Variants in CACNG4 observed in about 807,000 individuals in gnomAD.
CACNG4 encodes the protein calcium voltage-gated channel auxiliary subunit gamma 4.
In CACNG4, 8 loss-of-function variants were observed where a neutral mutation model predicts 22.9. The ratio of observed to expected loss-of-function variants is 0.35; its 90% CI spans 0.21 to 0.63. The LOEUF (loss-of-function observed/expected upper bound fraction) is 0.63. Among genes scored for constraint, CACNG4 ranks in the 30% least tolerant of loss-of-function variants. The pLI is 0.72. For synonymous variants in CACNG4, 188 were observed against 191.9 expected (o/e 0.98, Z 0.17); for missense variants, 357 against 455.4 (o/e 0.78, Z 1.97).
At position 67,030,155 on chromosome 17, in the gene CACNG4, G is replaced by A; in HGVS notation, c.446-311G>A. ...ACTGTGCAAAGGAAATAATAGGGGT[G>A]TGTGTGTGTGTGTGTGTGAAGAGAG... On this transcript the variant is annotated intron_variant, in intron 3 of 3. Coordinates refer to ENST00000262138, the MANE Select transcript of CACNG4 (RefSeq NM_014405.4). This position sits in a 1 kb window ranked among gnomAD's most constrained non-coding sequence, Gnocchi z 6.4. Among the ~76,000 whole-genome samples, 1 of 109,202 alleles carries A rather than the reference G, an allele frequency of 9.2e-6. No individual in the cohort carries two copies. The highest frequency in any genetic ancestry group is 5.9e-5 in the African/African-American group (1 of 17,070). 71.6% of individuals were successfully genotyped at this position (109,202 alleles called of 152,430 possible). A position where few individuals can be genotyped will look rare whatever the true frequency, so the allele number is the denominator to read the frequency against.
At chr17:67,003,453 T>C (rs2035420160) in intron 1 of CACNG4, among the ~76,000 whole-genome samples, 1 of 152,084 alleles carries the variant, frequency 6.6e-6, no homozygotes, top group African/African-American at 2.4e-5. Flanking sequence ...CAGACTGTGA[T>C]CAGGGGAGAA....
rs781720730 is a variant in CACNG4 at position 67,030,548 on chromosome 17, G to C, written c.528G>C (p.Lys176Asn). 1.9e-6 allele frequency: 3 copies of C among 1,614,204 alleles called. No homozygotes were observed. The part of the protein sequence containing the change: ...DPSDKRDEDK[K>N]NHYNYGWSFY... Reference sequence around the variant, plus strand: ...GTGACAAGCGGGACGAAGACAAAAAGAACCATTACAACTACGGCTGGTCTT... The same window carrying C: ...GTGACAAGCGGGACGAAGACAAAAACAACCATTACAACTACGGCTGGTCTT... The change falls in exon 4 of 4, where the codon AAG (lysine) becomes AAC (asparagine). Residue 176 changes from lysine to asparagine, a missense_variant. By Grantham distance (94) the Lys-to-Asn change is moderately conservative. Around this residue, in one of 3 missense-constraint regions of CACNG4, gnomAD observed 240 missense variants for 277.6 expected, o/e 0.86. Coordinates refer to ENST00000262138, the MANE Select transcript of CACNG4 (RefSeq NM_014405.4). The surrounding 1 kb of genome is among the most constrained non-coding windows in gnomAD (Gnocchi z 6.4).
intron 3 of CACNG4, among the ~76,000 whole-genome samples, chr17:67,026,461 G>T (rs2035567188): frequency 7.3e-6 from 1 of 137,180 alleles, no homozygotes; most frequent in Admixed American, 6.9e-5. Flanking sequence ...GTATGTGTGT[G>T]TATTTGAGGA....
intron 1 of CACNG4, among the ~76,000 whole-genome samples, chr17:67,014,122 C>T (rs1332686941): frequency 6.6e-6 from 1 of 152,160 alleles, no homozygotes; most frequent in Non-Finnish European, 1.5e-5. Flanking sequence ...CCCAGCGACC[C>T]CTGTCTCCAC....
chr17:66,974,112 C>T (rs781616358), intron 1 of CACNG4, among the ~76,000 whole-genome samples: 2 of 152,214 alleles, frequency 1.3e-5, no homozygotes, highest in East Asian at 1.9e-4. Context: ...GGGACTGGGG[C>T]GGATAGAAAA....
chr17:67,030,672 A>G lies in CACNG4; in HGVS notation c.652A>G (p.Lys218Glu), dbSNP rs970783926. ...EKNKELRFKTKREFLKASSSS... is the reference protein window; with the variant it reads ...EKNKELRFKTEREFLKASSSS... Reference sequence around the variant, plus strand: ...AAATAAAGAGTTGAGGTTTAAGACCAAACGGGAATTCCTTAAGGCGTCTTC... The same window carrying G: ...AAATAAAGAGTTGAGGTTTAAGACCGAACGGGAATTCCTTAAGGCGTCTTC... The change falls in exon 4 of 4, where the codon AAA (lysine) becomes GAA (glutamate). Residue 218 changes from lysine to glutamate, a missense_variant. Transcript: ENST00000262138. The surrounding 1 kb of genome is among the most constrained non-coding windows in gnomAD (Gnocchi z 6.4). 5.0e-6 allele frequency: 8 copies of G among 1,614,126 alleles called. No individual in the cohort carries two copies. The African/African-American group carries it at 6.7e-5, about 13-fold the overall frequency.
intron 1 of CACNG4, among the ~76,000 whole-genome samples, chr17:67,007,617 G>A (rs111226457): frequency 0.013 from 2,044 of 152,168 alleles, 28 homozygotes; most frequent in Non-Finnish European, 0.021. Flanking sequence ...TGTGCTGTCG[G>A]AAACTCAGGA....
intron 1 of CACNG4, among the ~76,000 whole-genome samples, chr17:66,996,769 G>A (rs1447243479): frequency 6.6e-6 from 1 of 152,166 alleles, no homozygotes; most frequent in Non-Finnish European, 1.5e-5. Flanking sequence ...CCAGACCCCT[G>A]GCTCACGGGG....
At chr17:67,016,076 G>A (rs985399039) in intron 1 of CACNG4, among the ~76,000 whole-genome samples, 7 of 152,038 alleles carry the variant, frequency 4.6e-5, no homozygotes, top group African/African-American at 7.2e-5. Flanking sequence ...ATGAAGGAGC[G>A]AGGGTGGGTC....
Position 66,980,285 on chromosome 17 carries a change from C to G in CACNG4, c.220+15154C>G, listed in dbSNP as rs142515469. Among the ~76,000 whole-genome samples the G allele has an allele frequency of 1.2e-3, 182 of 152,230 alleles. 2 individuals carry two copies. The East Asian group carries it at 0.02, about 17-fold the overall frequency. ...CCTACAATAAAAGTGCTAAAACTGA[C>G]CATGAAAGTAAGTGAGAAGGAAATA... On this transcript the variant is annotated intron_variant, in intron 1 of 3. Coordinates refer to ENST00000262138, the MANE Select transcript of CACNG4 (RefSeq NM_014405.4).
chr17:66,994,946 G>A (rs1017121027), intron 1 of CACNG4, among the ~76,000 whole-genome samples: 2 of 152,162 alleles, frequency 1.3e-5, no homozygotes, highest in African/African-American at 4.8e-5. Flanking sequence ...ATCTATGGCT[G>A]TGGGATGCAG....
At chr17:66,978,839 T>C (rs1032846712) in intron 1 of CACNG4, among the ~76,000 whole-genome samples, 1 of 152,280 alleles carries the variant, frequency 6.6e-6, no homozygotes, top group African/African-American at 2.4e-5. Context: ...AAAATGGCTT[T>C]GGTTGTCTTT....
chr17:67,031,120 C>T lies in CACNG4; in HGVS notation c.*116C>T. 8.5e-7 allele frequency: 1 copy of T among 1,178,586 alleles called. No individual in the cohort carries two copies. The highest frequency in any genetic ancestry group is 1.2e-6 in the Non-Finnish European group (1 of 836,098). The allele number at this position is 1,178,586 out of a possible 1,614,324, so 73.0% of individuals were successfully genotyped here. A position where few individuals can be genotyped will look rare whatever the true frequency, so the allele number is the denominator to read the frequency against. Reference sequence around the variant, plus strand: ...ATGAACTAAAGCCAAATGCAGCCCTCCCTGGCCTCCAGAGGTGGCGTGGGC... The same window carrying T: ...ATGAACTAAAGCCAAATGCAGCCCTTCCTGGCCTCCAGAGGTGGCGTGGGC... On this transcript the variant is annotated 3_prime_UTR_variant, in exon 4 of 4. Transcript: ENST00000262138. This position sits in a 1 kb window ranked among gnomAD's most constrained non-coding sequence, Gnocchi z 4.0.
intron 1 of CACNG4, among the ~76,000 whole-genome samples, chr17:67,010,201 C>T (rs931629173): frequency 6.6e-6 from 1 of 152,236 alleles, no homozygotes; most frequent in Non-Finnish European, 1.5e-5. Flanking sequence ...CCTGACTACT[C>T]GCTGTCCCAG....
At chr17:66,990,505 C>A (rs930000791) in intron 1 of CACNG4, among the ~76,000 whole-genome samples, 1 of 152,274 alleles carries the variant, frequency 6.6e-6, no homozygotes, top group Middle Eastern at 3.4e-3. Flanking sequence ...AGAACTCTGC[C>A]TACCACAGAT....
chr17:66,975,457 G>A (rs2035230620), intron 1 of CACNG4, among the ~76,000 whole-genome samples: 1 of 152,204 alleles, frequency 6.6e-6, no homozygotes, highest in African/African-American at 2.4e-5. Context: ...TTGTTGTTCA[G>A]AGAGCAATTT....
chr17:66,967,373 A>C (rs2035177092), intron 1 of CACNG4, among the ~76,000 whole-genome samples: 1 of 152,156 alleles, frequency 6.6e-6, no homozygotes, highest in Non-Finnish European at 1.5e-5. Flanking sequence ...GAGTGGGTTC[A>C]AGATTCCTTG....
At chr17:66,983,731 T>C (rs1310709985) in intron 1 of CACNG4, among the ~76,000 whole-genome samples, 1 of 152,172 alleles carries the variant, frequency 6.6e-6, no homozygotes, top group Non-Finnish European at 1.5e-5. Context: ...AACCATGCAC[T>C]TCAAAGCCCT....
chr17:66,986,471 G>A (rs1426181427), intron 1 of CACNG4, among the ~76,000 whole-genome samples: 2 of 152,140 alleles, frequency 1.3e-5, no homozygotes, highest in Non-Finnish European at 2.9e-5. Flanking sequence ...TGAAGGAGAT[G>A]GTGCCTTGGA....
Sources: allele counts gnomAD v4.1 joint callset (sites outside exome capture counted in the v4.1 genomes callset), GRCh38; gene constraint gnomAD v4.1.1; regional missense constraint gnomAD v4.1.1; non-coding constraint Gnocchi (gnomAD v3.1); transcripts MANE v1.5; gene names NCBI Gene and HGNC (gene_info 2026-07-23, HGNC 2026-07-21).